SAMMSON: variants seen among roughly 807,000 people sequenced by gnomAD.
SAMMSON encodes the protein long intergenic non-protein coding RNA 1212.
intron 4 of SAMMSON, among the ~76,000 whole-genome samples, chr3:70,191,688 T>A (rs1221122091): frequency 2.0e-5 from 3 of 152,172 alleles, no homozygotes; most frequent in Non-Finnish European, 4.4e-5. Flanking sequence ...ATAGCCATAG[T>A]ATTTTTCTGA....
chr3:70,410,232 A>G lies in SAMMSON; in HGVS notation n.233+51908A>G, dbSNP rs2287318. Reference sequence around the variant, plus strand: ...ACCCTGCTTGTGAATCCGTTCTACAATCTGTCTTCCACTAGGCTACATGCC... The same window carrying G: ...ACCCTGCTTGTGAATCCGTTCTACAGTCTGTCTTCCACTAGGCTACATGCC... On this transcript the variant is annotated intron_variant and non_coding_transcript_variant, in intron 2 of 3. Coordinates refer to the SAMMSON transcript ENST00000641053. Among the ~76,000 whole-genome samples the G allele has an allele frequency of 1.9e-3, 293 of 152,248 alleles. 8 individuals carry two copies. The East Asian group carries it at 0.046, about 24-fold the overall frequency.
chr3:70,224,958 C>T (rs1229738279), intron 4 of SAMMSON, among the ~76,000 whole-genome samples: 1 of 152,078 alleles, frequency 6.6e-6, no homozygotes, highest in Non-Finnish European at 1.5e-5. Flanking sequence ...TGACTAAATA[C>T]AAGGTTTTCA....
At chr3:70,227,536 G>A (rs1427747293) in intron 4 of SAMMSON, among the ~76,000 whole-genome samples, 5 of 152,200 alleles carry the variant, frequency 3.3e-5, no homozygotes, top group Non-Finnish European at 2.9e-5. Flanking sequence ...AAGACAAAGT[G>A]AGTGGGCTGA....
chr3:70,360,188 A>T (rs1183824890), intron 9 of SAMMSON, among the ~76,000 whole-genome samples: 1 of 152,144 alleles, frequency 6.6e-6, no homozygotes. Context: ...AATAGAAAGG[A>T]GAAGAGCAAA....
At chr3:70,313,113 A>T (rs1300839842) in intron 7 of SAMMSON, among the ~76,000 whole-genome samples, 1 of 152,174 alleles carries the variant, frequency 6.6e-6, no homozygotes, top group Non-Finnish European at 1.5e-5. Flanking sequence ...GATATTCCAA[A>T]GGGAGTTTGG....
chr3:70,342,307 A>G (rs990505819), intron 7 of SAMMSON, among the ~76,000 whole-genome samples: 1 of 152,206 alleles, frequency 6.6e-6, no homozygotes, highest in Non-Finnish European at 1.5e-5. Context: ...TCAAACTTGT[A>G]TCTTCAGTAG....
chr3:70,107,606 T>G (rs537445382), intron 4 of SAMMSON, among the ~76,000 whole-genome samples: 5 of 152,142 alleles, frequency 3.3e-5, no homozygotes, highest in Admixed American at 1.3e-4. Flanking sequence ...CCTTAGTTTT[T>G]TTTTTTTTTT....
intron 4 of SAMMSON, among the ~76,000 whole-genome samples, chr3:70,081,941 A>G (rs149928461): frequency 1.3e-5 from 2 of 152,344 alleles, no homozygotes; most frequent in East Asian, 3.9e-4. Context: ...GAGTGTAGCC[A>G]AAATGATTAG....
At chr3:70,278,068 C>G (rs1261335235) in intron 6 of SAMMSON, among the ~76,000 whole-genome samples, 1 of 152,178 alleles carries the variant, frequency 6.6e-6, no homozygotes, top group East Asian at 1.9e-4. Flanking sequence ...AAAAACACTT[C>G]AGCAACATAG....
At chr3:70,057,027 A>G (rs1262265944) in intron 3 of SAMMSON, among the ~76,000 whole-genome samples, 6 of 152,104 alleles carry the variant, frequency 3.9e-5, no homozygotes, top group Non-Finnish European at 5.9e-5. Context: ...GTCCCAAAGA[A>G]GGCAGGCAGG....
chr3:70,000,041 G>A (rs536252957), intron 1 of SAMMSON, among the ~76,000 whole-genome samples: 69 of 152,288 alleles, frequency 4.5e-4, no homozygotes, highest in African/African-American at 1.5e-3. Flanking sequence ...ACACCAAGGC[G>A]AGAAATCCGG....
At chr3:70,434,362 C>T (rs1010372041) in intron 2 of SAMMSON, among the ~76,000 whole-genome samples, 1 of 151,998 alleles carries the variant, frequency 6.6e-6, no homozygotes, top group Non-Finnish European at 1.5e-5. Context: ...AGATTTATAT[C>T]TAAGTATTTA....
intron 4 of SAMMSON, among the ~76,000 whole-genome samples, chr3:70,218,760 A>G (rs1397976419): frequency 6.6e-6 from 1 of 152,124 alleles, no homozygotes; most frequent in Non-Finnish European, 1.5e-5. Flanking sequence ...TAAATAGAAA[A>G]AAAAATTCTT....
Position 70,058,381 on chromosome 3 carries a change from C to G in SAMMSON, n.418-13095C>G, listed in dbSNP as rs752657479. ...GATGCGGTAAAAGTTCCAGCTGATT[C>G]AGAACAGATTTGGGTATTCCAGACA... On this transcript the variant is annotated intron_variant and non_coding_transcript_variant, in intron 3 of 9. Transcript: ENST00000642114. Among the ~76,000 whole-genome samples the G allele has an allele frequency of 3.8e-4, 57 of 151,948 alleles. 1 individual carries two copies. Among genetic ancestry groups the G allele is most frequent in the Admixed American group, 3.3e-4 (5 of 15,224 alleles).
intron 4 of SAMMSON, among the ~76,000 whole-genome samples, chr3:70,193,509 A>G (rs1212975316): frequency 6.6e-6 from 1 of 152,090 alleles, no homozygotes; most frequent in African/African-American, 2.4e-5. Flanking sequence ...TATGTTACCC[A>G]GGCTACCAAG....
intron 9 of SAMMSON, among the ~76,000 whole-genome samples, chr3:70,384,514 C>T (rs1703104292): frequency 6.6e-6 from 1 of 151,978 alleles, no homozygotes; most frequent in Admixed American, 6.6e-5. Flanking sequence ...TAGTTTTGCT[C>T]TCCTCCGGAC....
chr3:70,215,220 G>C (rs768752210), intron 4 of SAMMSON, among the ~76,000 whole-genome samples: 19 of 152,142 alleles, frequency 1.2e-4, no homozygotes, highest in Non-Finnish European at 2.4e-4. Flanking sequence ...GAAACTGATA[G>C]AGGGTCAGAG....
chr3:70,164,120 A>T (rs2067627146), intron 4 of SAMMSON, among the ~76,000 whole-genome samples: 1 of 152,064 alleles, frequency 6.6e-6, no homozygotes, highest in Non-Finnish European at 1.5e-5. Context: ...CCTAGTTTTT[A>T]TTATTACCAA....
intron 9 of SAMMSON, among the ~76,000 whole-genome samples, chr3:70,379,489 G>C: frequency 6.6e-6 from 1 of 152,252 alleles, no homozygotes; most frequent in Admixed American, 6.5e-5. Flanking sequence ...ATTGCACTGC[G>C]ATGAAAGCCT....
Sources: gnomAD v4.1 joint callset for allele counts (sites outside exome capture counted in the v4.1 genomes callset) on GRCh38, gnomAD v4.1.1 for gene constraint, MANE v1.5 for transcripts, NCBI Gene and HGNC (gene_info 2026-07-23, HGNC 2026-07-21) for gene names.